The following MDGA2 variants were observed in gnomAD, a reference collection of about 807,000 sequenced individuals.
The protein encoded by MDGA2 is MAM domain-containing glycosylphosphatidylinositol anchor protein 2.
Under a neutral mutation model 117.8 loss-of-function variants are expected in MDGA2, and 40 were observed. The ratio of observed to expected loss-of-function variants is 0.34; its 90% CI spans 0.26 to 0.44. The LOEUF (loss-of-function observed/expected upper bound fraction) is 0.44. MDGA2 is among the 20% of genes least tolerant of loss of function. The pLI is 1.00. For missense variants in MDGA2, 1,123 were observed against 1,250.6 expected (o/e 0.90, Z 1.54); for synonymous variants, 452 against 439.0 (o/e 1.03, Z -0.37).
At chr14:47,134,601 A>G (rs904063147) in intron 4 of MDGA2, among the ~76,000 whole-genome samples, 1 of 152,016 alleles carries the variant, frequency 6.6e-6, no homozygotes, top group Non-Finnish European at 1.5e-5. Context: ...GAGCCATATC[A>G]AAAGAAATAA....
At chr14:47,451,859 G>A (rs547515948) in intron 1 of MDGA2, among the ~76,000 whole-genome samples, 8 of 152,174 alleles carry the variant, frequency 5.3e-5, no homozygotes, top group African/African-American at 1.9e-4. Context: ...TACAGGCAAA[G>A]AAGAGAATTC....
At chr14:47,001,254 A>T (rs1887521344) in intron 8 of MDGA2, among the ~76,000 whole-genome samples, 3 of 151,488 alleles carry the variant, frequency 2.0e-5, no homozygotes, top group South Asian at 2.1e-4. Flanking sequence ...CCAGCTGAAT[A>T]AAAAAAAATC....
chr14:47,467,861 T>G (rs1893636591), intron 1 of MDGA2, among the ~76,000 whole-genome samples: 1 of 152,116 alleles, frequency 6.6e-6, no homozygotes, highest in African/African-American at 2.4e-5. Context: ...ACCCATACAT[T>G]TTAACTCTGT....
intron 10 of MDGA2, among the ~76,000 whole-genome samples, chr14:46,903,467 A>G (rs1308714128): frequency 6.6e-6 from 1 of 152,180 alleles, no homozygotes; most frequent in East Asian, 1.9e-4. Flanking sequence ...TTTTATTTGA[A>G]TGATTTAGAA....
intron 2 of MDGA2, among the ~76,000 whole-genome samples, chr14:47,220,702 T>G (rs193242298): frequency 6.6e-6 from 1 of 152,218 alleles, no homozygotes; most frequent in African/African-American, 2.4e-5. Flanking sequence ...CTGTGACTGA[T>G]AGCCAAACTC....
chr14:46,850,102 AT>A (rs1416495904), intron 15 of MDGA2, among the ~76,000 whole-genome samples: 1 of 151,890 alleles, frequency 6.6e-6, no homozygotes, highest in African/African-American at 2.4e-5. Context: ...CATACAAAAA[AT>A]ATTGCCTAAT....
chr14:47,112,848 C>T (rs879988151), intron 5 of MDGA2, among the ~76,000 whole-genome samples: 1 of 152,150 alleles, frequency 6.6e-6, no homozygotes, highest in African/African-American at 2.4e-5. Flanking sequence ...AACTAATTTA[C>T]ATTCCCACCA....
intron 1 of MDGA2, among the ~76,000 whole-genome samples, chr14:47,515,724 T>TA (rs1004796481): frequency 7.2e-5 from 11 of 151,854 alleles, no homozygotes; most frequent in African/African-American, 2.7e-4. Context: ...TTTTTAGGAA[T>TA]AAAAAAAGGC....
At chr14:47,036,147 G>A (rs1018666556) in intron 7 of MDGA2, among the ~76,000 whole-genome samples, 1 of 151,498 alleles carries the variant, frequency 6.6e-6, no homozygotes, top group Non-Finnish European at 1.5e-5. Flanking sequence ...GAGGGCGCCT[G>A]TAGTCCCAGC....
At chr14:47,220,508 G>A (rs1156261696) in intron 2 of MDGA2, among the ~76,000 whole-genome samples, 2 of 152,096 alleles carry the variant, frequency 1.3e-5, no homozygotes, top group Non-Finnish European at 2.9e-5. Context: ...GCACAGTTTT[G>A]GTAGCTTCCA....
At chr14:47,124,164 T>G (rs1009304496) in intron 5 of MDGA2, among the ~76,000 whole-genome samples, 1 of 152,044 alleles carries the variant, frequency 6.6e-6, no homozygotes, top group African/African-American at 2.4e-5. Context: ...AGTCCAATGT[T>G]TTTTCTTCCA....
At chr14:46,990,171 G>A (rs1887030919) in intron 8 of MDGA2, among the ~76,000 whole-genome samples, 1 of 151,936 alleles carries the variant, frequency 6.6e-6, no homozygotes, top group South Asian at 2.1e-4. Context: ...TCTTAGGTTT[G>A]TCTTGAAAAT....
At chr14:47,208,480 C>A (rs1885765899) in intron 3 of MDGA2, among the ~76,000 whole-genome samples, 1 of 151,492 alleles carries the variant, frequency 6.6e-6, no homozygotes, top group African/African-American at 2.4e-5. Context: ...ATATTCAAAC[C>A]ATTTTATTAG....
At chr14:47,013,117 A>G (rs1362298021) in intron 8 of MDGA2, among the ~76,000 whole-genome samples, 2 of 152,026 alleles carry the variant, frequency 1.3e-5, no homozygotes, top group Non-Finnish European at 2.9e-5. Context: ...GCATCAATGA[A>G]CTCATCTTTT....
rs921646977 is a variant in MDGA2, at chr14:46,855,379, T to C, written c.2753-225A>G. Among the ~76,000 whole-genome samples the C allele has an allele frequency of 6.6e-6, 1 of 152,130 alleles. No individual in the cohort carries two copies. The highest frequency in any genetic ancestry group is 2.4e-5 in the African/African-American group (1 of 41,442). On this transcript the variant is annotated intron_variant, in intron 14 of 16. Transcript: ENST00000399232. This position sits in a 1 kb window ranked among gnomAD's most constrained non-coding sequence, Gnocchi z 4.1. Reference sequence around the variant, plus strand: ...TAGAACATGTGCATGTTGCCTGATATTGCAAAAGGGATTTAAGGATTTTGC... The same window carrying C: ...TAGAACATGTGCATGTTGCCTGATACTGCAAAAGGGATTTAAGGATTTTGC...
At chr14:47,285,774 T>G (rs1888650523) in intron 2 of MDGA2, among the ~76,000 whole-genome samples, 1 of 152,112 alleles carries the variant, frequency 6.6e-6, no homozygotes, top group East Asian at 1.9e-4. Context: ...TCGGAAGATT[T>G]CCTTATTAAA....
chr14:47,386,145 G>A (rs1019906321), intron 1 of MDGA2, among the ~76,000 whole-genome samples: 9 of 152,066 alleles, frequency 5.9e-5, no homozygotes, highest in African/African-American at 1.7e-4. Flanking sequence ...AGCCGGGCAT[G>A]GTGGGGGGCA....
intron 15 of MDGA2, among the ~76,000 whole-genome samples, chr14:46,852,475 T>C (rs113965770): frequency 2.6e-5 from 4 of 151,580 alleles, no homozygotes; most frequent in African/African-American, 9.7e-5. Context: ...CAGGGCAGAA[T>C]ACCAGAGAAA....
chr14:47,551,907 G>C (rs1258665477), intron 1 of MDGA2, among the ~76,000 whole-genome samples: 1 of 151,980 alleles, frequency 6.6e-6, no homozygotes, highest in African/African-American at 2.4e-5. Context: ...TGTGAAAGAG[G>C]AAAGTGAAAA....
Sources: allele counts gnomAD v4.1 joint callset (sites outside exome capture counted in the v4.1 genomes callset), GRCh38; gene constraint gnomAD v4.1.1; non-coding constraint Gnocchi (gnomAD v3.1); transcripts MANE v1.5; gene names NCBI Gene and HGNC (gene_info 2026-07-23, HGNC 2026-07-21).